RBFOX3: variants seen among roughly 807,000 people sequenced by gnomAD.
RBFOX3 encodes RNA binding protein fox-1 homolog 3.
A neutral mutation model predicts 48.7 loss-of-function variants in RBFOX3; 17 were observed. The ratio of observed to expected loss-of-function variants is 0.35; its 90% CI spans 0.24 to 0.52. The LOEUF is 0.52. Ranked by LOEUF, RBFOX3 falls within the 20% of genes least tolerant of loss-of-function variation. The probability of loss-of-function intolerance (pLI) is 0.94; values close to 1 mark genes in which losing one functional copy is unlikely to be tolerated. For synonymous variants in RBFOX3, 212 were observed against 209.5 expected, an observed-to-expected ratio of 1.01 and a Z score of -0.10; for missense variants, 382 against 497.5, an observed-to-expected ratio of 0.77 and a Z score of 2.21.
intron 2 of RBFOX3, among the ~76,000 whole-genome samples, chr17:79,400,327 G>A (rs1355156757): frequency 2.0e-5 from 3 of 152,094 alleles, no homozygotes; most frequent in East Asian, 1.9e-4. Context: ...CACCCGAGGG[G>A]CTCCCGGGCT....
At chr17:79,371,389 A>G (rs2058518056) in intron 2 of RBFOX3, among the ~76,000 whole-genome samples, 1 of 152,200 alleles carries the variant, frequency 6.6e-6, no homozygotes, top group Non-Finnish European at 1.5e-5. Flanking sequence ...CGTCTTCCTC[A>G]GCTGAGTGCC....
At chr17:79,447,112 C>T (rs374302547) in intron 2 of RBFOX3, among the ~76,000 whole-genome samples, 2 of 152,232 alleles carry the variant, frequency 1.3e-5, no homozygotes, top group African/African-American at 4.8e-5. Context: ...ACGTGCAGTC[C>T]CTGCCTTCCA....
intron 4 of RBFOX3, among the ~76,000 whole-genome samples, chr17:79,182,639 T>C (rs1373113903): frequency 1.3e-5 from 2 of 151,458 alleles, no homozygotes; most frequent in African/African-American, 2.4e-5. Flanking sequence ...CCGACTTTCC[T>C]GCCCCCACCC....
intron 1 of RBFOX3, among the ~76,000 whole-genome samples, chr17:79,499,029 CAT>C (rs1329757829): frequency 6.6e-6 from 1 of 151,742 alleles, no homozygotes; most frequent in African/African-American, 2.4e-5. Flanking sequence ...TCCATCCACT[CAT>C]ACCCTCATCT....
intron 2 of RBFOX3, among the ~76,000 whole-genome samples, chr17:79,356,989 A>G (rs1448132096): frequency 6.6e-6 from 1 of 152,124 alleles, no homozygotes; most frequent in African/African-American, 2.4e-5. Context: ...GCTATGTCCT[A>G]AAGTGTCCCC....
intron 2 of RBFOX3, among the ~76,000 whole-genome samples, chr17:79,463,736 G>A (rs1421609014): frequency 6.8e-4 from 84 of 122,916 alleles, no homozygotes; most frequent in African/African-American, 2.3e-3. Context: ...CACCTCCACC[G>A]CCATCACCAC....
intron 1 of RBFOX3, among the ~76,000 whole-genome samples, chr17:79,590,015 C>T (rs977587194): frequency 6.6e-6 from 1 of 152,140 alleles, no homozygotes; most frequent in South Asian, 2.1e-4. Flanking sequence ...CCCTCCACCC[C>T]CCATGTATTC....
chr17:79,229,197 C>G (rs2060693009), intron 4 of RBFOX3, among the ~76,000 whole-genome samples: 1 of 130,654 alleles, frequency 7.7e-6, no homozygotes, highest in Non-Finnish European at 1.5e-5. Flanking sequence ...CCATCGCACT[C>G]CAGCCTGGGT....
intron 2 of RBFOX3, among the ~76,000 whole-genome samples, chr17:79,370,013 C>T (rs1167046379): frequency 6.6e-6 from 1 of 152,210 alleles, no homozygotes; most frequent in Admixed American, 6.5e-5. Flanking sequence ...TTTGGGATCC[C>T]ACCAAAGAGA....
At chr17:79,176,384 A>AC (rs1230097973) in intron 4 of RBFOX3, among the ~76,000 whole-genome samples, 2 of 151,610 alleles carry the variant, frequency 1.3e-5, no homozygotes, top group African/African-American at 2.4e-5. Flanking sequence ...AGCCCCCAGC[A>AC]CCCCCCAAGC....
chr17:79,138,623 G>T (rs1468991662), intron 4 of RBFOX3, among the ~76,000 whole-genome samples: 1 of 68,044 alleles, frequency 1.5e-5, no homozygotes, highest in African/African-American at 4.7e-5. Context: ...CATAGCACGT[G>T]TTCACACCTC....
At chr17:79,306,887 G>C (rs2076175607) in intron 3 of RBFOX3, among the ~76,000 whole-genome samples, 1 of 109,186 alleles carries the variant, frequency 9.2e-6, no homozygotes, top group South Asian at 2.9e-4. Context: ...TGAGAGGCTG[G>C]GGGAAAAGGG....
chr17:79,387,361 A>C (rs1425925045), intron 2 of RBFOX3, among the ~76,000 whole-genome samples: 1 of 152,254 alleles, frequency 6.6e-6, no homozygotes, highest in Non-Finnish European at 1.5e-5. Flanking sequence ...AACAACTCAC[A>C]GGCGTGAGTC....
chr17:79,250,427 G>A (rs1479840081), intron 3 of RBFOX3, among the ~76,000 whole-genome samples: 2 of 152,038 alleles, frequency 1.3e-5, no homozygotes, highest in Non-Finnish European at 2.9e-5. Flanking sequence ...CCAAGGCCCC[G>A]GGGCTCGTGG....
chr17:79,412,783 T>C (rs1342207377), intron 2 of RBFOX3, among the ~76,000 whole-genome samples: 1 of 151,828 alleles, frequency 6.6e-6, no homozygotes, highest in Non-Finnish European at 1.5e-5. Flanking sequence ...GTGTGGTGTA[T>C]GTGTGTGGTG....
chr17:79,106,971 G>A (rs1568140578), intron 5 of RBFOX3, among the ~76,000 whole-genome samples, 183 bp from the exon 6 acceptor site: 1 of 152,120 alleles, frequency 6.6e-6, no homozygotes, highest in Non-Finnish European at 1.5e-5. Context: ...TACAGCACAG[G>A]GGCACCTCAC....
At chr17:79,259,128 C>G (rs1250460515) in intron 3 of RBFOX3, among the ~76,000 whole-genome samples, 2 of 152,272 alleles carry the variant, frequency 1.3e-5, no homozygotes, top group Admixed American at 1.3e-4. Flanking sequence ...GGGATGACGA[C>G]AGCAGAGCAC....
intron 13 of RBFOX3, among the ~76,000 whole-genome samples, chr17:79,095,191 A>G (rs1395899950): frequency 6.6e-6 from 1 of 151,508 alleles, no homozygotes; most frequent in Non-Finnish European, 1.5e-5. Context: ...CTCCAGGAGG[A>G]AGCACTCAAG....
the RBFOX3 span, among the ~76,000 whole-genome samples, chr17:79,622,531 G>A: frequency 2.6e-5 from 4 of 152,150 alleles, no homozygotes; most frequent in Admixed American, 1.3e-4. Context: ...TCATTCTCCC[G>A]CAGATCTTGA....
Sources: gnomAD v4.1 joint callset for allele counts (sites outside exome capture counted in the v4.1 genomes callset) on GRCh38, gnomAD v4.1.1 for gene constraint, MANE v1.5 for transcripts, NCBI Gene and HGNC (gene_info 2026-07-23, HGNC 2026-07-21) for gene names.